The following SYN3 variants were observed in gnomAD, a reference collection of about 807,000 sequenced individuals.
SYN3 encodes the protein synapsin-3.
Under a neutral mutation model 65.8 loss-of-function variants are expected in SYN3, and 35 were observed. The observed-to-expected ratio is 0.53, with a 90% CI of 0.41 to 0.70. SYN3 has a LOEUF of 0.70. Among genes scored for constraint, SYN3 ranks in the 30% least tolerant of loss-of-function variants. The pLI is 0.00. For synonymous variants in SYN3, 270 were observed against 292.9 expected (o/e 0.92, Z 0.80); for missense variants, 680 against 749.0 (o/e 0.91, Z 1.08).
Position 32,610,565 on chromosome 22 carries a change from TTTTTGTTTTG to T in SYN3, c.712-13839_712-13830del, listed in dbSNP as rs59707741. On this transcript the variant is annotated intron_variant, in intron 6 of 13. Transcript: ENST00000358763. ...TAGTTTCCTTCACTTTGTATGTGTG[TTTTTGTTTTG>T]TTTTGTTTTGTTTTGTTTTGTTTTG... 7.4e-3 allele frequency among the ~76,000 whole-genome samples: 1,106 copies of T among 150,398 alleles called. 5 individuals carry two copies. The highest frequency in any genetic ancestry group is 0.012 in the Non-Finnish European group (807 of 67,660).
chr22:32,545,487 G>A (rs1158414168), intron 7 of SYN3, among the ~76,000 whole-genome samples: 1 of 152,140 alleles, frequency 6.6e-6, no homozygotes, highest in Non-Finnish European at 1.5e-5. Flanking sequence ...TTCTGTCTTC[G>A]TTTGAGTGGT....
At chr22:32,760,754 T>C (rs901137515) in intron 6 of SYN3, among the ~76,000 whole-genome samples, 21 of 152,150 alleles carry the variant, frequency 1.4e-4, no homozygotes, top group Non-Finnish European at 3.1e-4. Context: ...GAGGAAAATG[T>C]CAGCAGGCCT....
At chr22:32,523,367 G>T (rs1003746052) in intron 12 of SYN3, among the ~76,000 whole-genome samples, 4 of 152,136 alleles carry the variant, frequency 2.6e-5, no homozygotes, top group African/African-American at 9.7e-5. Flanking sequence ...AAAAAAATTA[G>T]CTGGGTGTGG....
chr22:32,857,994 TG>T (rs2048419759), intron 6 of SYN3: 5 of 1,614,066 alleles, frequency 3.1e-6, no homozygotes, highest in Non-Finnish European at 4.2e-6. Context: ...AACCTCTCCT[TG>T]TTTTCTTCTT....
intron 6 of SYN3, among the ~76,000 whole-genome samples, chr22:32,829,605 TG>T (rs562948614): frequency 2.6e-3 from 400 of 152,350 alleles, no homozygotes; most frequent in African/African-American, 8.8e-3. Flanking sequence ...GGCCTGGGTC[TG>T]GCCTTCATTC....
At chr22:32,626,920 C>T (rs558804491) in intron 6 of SYN3, among the ~76,000 whole-genome samples, 3 of 152,254 alleles carry the variant, frequency 2.0e-5, no homozygotes, top group East Asian at 1.9e-4. Context: ...AAAATGAGGT[C>T]CCTGGACACC....
chr22:32,855,072 G>A (rs9609643), intron 6 of SYN3, among the ~76,000 whole-genome samples: 9,541 of 152,310 alleles, frequency 0.063, 385 homozygotes, highest in South Asian at 0.19. Flanking sequence ...ATGCCAGGAA[G>A]TAAAGTAGAG....
At chr22:32,909,536 T>A (rs757829629) in intron 4 of SYN3, among the ~76,000 whole-genome samples, 4 of 152,110 alleles carry the variant, frequency 2.6e-5, no homozygotes, top group African/African-American at 4.8e-5. Flanking sequence ...TTATCTTTGC[T>A]CTCCCAGGGT....
intron 6 of SYN3, among the ~76,000 whole-genome samples, chr22:32,738,565 CTGT>C (rs1441524419): frequency 6.6e-6 from 1 of 152,180 alleles, no homozygotes; most frequent in Non-Finnish European, 1.5e-5. Flanking sequence ...TGTTGGCTTC[CTGT>C]TGTTCTTAGG....
At chr22:32,592,466 T>C (rs1208091459) in intron 7 of SYN3, among the ~76,000 whole-genome samples, 1 of 152,254 alleles carries the variant, frequency 6.6e-6, no homozygotes, top group African/African-American at 2.4e-5. Context: ...TTTCTGTTTC[T>C]CATGATGTCC....
intron 6 of SYN3, among the ~76,000 whole-genome samples, chr22:32,745,655 C>A (rs563169096): frequency 6.6e-6 from 1 of 152,178 alleles, no homozygotes; most frequent in African/African-American, 2.4e-5. Flanking sequence ...ACCTGCAGAG[C>A]CTTCCTGGGA....
At chr22:32,865,740 G>A (rs966781755) in intron 5 of SYN3, among the ~76,000 whole-genome samples, 8 of 152,144 alleles carry the variant, frequency 5.3e-5, no homozygotes, top group Non-Finnish European at 1.0e-4. Context: ...GAGCTCTGTC[G>A]CTATGCTTTA....
At position 32,652,527 on chromosome 22, in the gene SYN3, G is replaced by C. The variant is rs148277474; in HGVS notation, c.712-55791C>G. On this transcript the variant is annotated intron_variant, in intron 6 of 13. Transcript: ENST00000358763. Reference sequence around the variant, plus strand: ...GGTAACAAAGTTGTGAATGCAAATGGTTATATGCAACTAGGCAAATCAGAT... The same window carrying C: ...GGTAACAAAGTTGTGAATGCAAATGCTTATATGCAACTAGGCAAATCAGAT... Among the ~76,000 whole-genome samples the C allele has an allele frequency of 2.3e-3, 354 of 151,414 alleles. 2 individuals carry two copies. Among genetic ancestry groups the C allele is most frequent in the African/African-American group, 7.6e-3 (314 of 41,270 alleles).
intron 6 of SYN3, among the ~76,000 whole-genome samples, chr22:32,647,726 A>C (rs2060004195): frequency 6.6e-6 from 1 of 152,082 alleles, no homozygotes; most frequent in East Asian, 1.9e-4. Flanking sequence ...CTTCTGCCTC[A>C]GCCTCCGGAG....
chr22:32,671,684 TA>T (rs2060370218), intron 6 of SYN3, among the ~76,000 whole-genome samples: 15 of 113,802 alleles, frequency 1.3e-4, no homozygotes, highest in African/African-American at 5.3e-4. Flanking sequence ...CTCACACAGG[TA>T]CACACACGCT....
intron 6 of SYN3, among the ~76,000 whole-genome samples, chr22:32,600,931 C>G (rs2858736): frequency 0.036 from 5,537 of 152,272 alleles, 354 homozygotes; most frequent in African/African-American, 0.13. Context: ...AGGTAATCCA[C>G]CCACCTCGGC....
chr22:33,037,944 G>A (rs1388568508), intron 1 of SYN3, among the ~76,000 whole-genome samples: 1 of 149,834 alleles, frequency 6.7e-6, no homozygotes, highest in Non-Finnish European at 1.5e-5. Context: ...TAGGATGGAA[G>A]AAAGTAAAGA....
chr22:32,777,563 C>T (rs2045939056), intron 6 of SYN3, among the ~76,000 whole-genome samples: 1 of 152,140 alleles, frequency 6.6e-6, no homozygotes, highest in African/African-American at 2.4e-5. Context: ...TTGCATCCAT[C>T]CATCCCTCAT....
At chr22:32,990,829 C>G (rs1462224018) in intron 2 of SYN3, among the ~76,000 whole-genome samples, 1 of 152,134 alleles carries the variant, frequency 6.6e-6, no homozygotes, top group Non-Finnish European at 1.5e-5. Flanking sequence ...GGGCGGATCA[C>G]TGGAGGTGGG....
Sources: allele counts gnomAD v4.1 joint callset (sites outside exome capture counted in the v4.1 genomes callset), GRCh38; gene constraint gnomAD v4.1.1; transcripts MANE v1.5; gene names NCBI Gene and HGNC (gene_info 2026-07-23, HGNC 2026-07-21).